Variants in RFFL observed in about 807,000 individuals in gnomAD.
RFFL encodes ring finger and FYVE like domain containing E3 ubiquitin protein ligase.
In RFFL, 16 loss-of-function variants were observed where a neutral mutation model predicts 40.4. The ratio of observed to expected loss-of-function variants is 0.40; its 90% CI spans 0.27 to 0.60. The LOEUF (loss-of-function observed/expected upper bound fraction) is 0.60. Among genes scored for constraint, RFFL ranks in the 20% least tolerant of loss-of-function variants. The pLI, the probability that RFFL is intolerant of heterozygous loss-of-function variation, is 0.47. For synonymous variants in RFFL, 154 were observed against 167.9 expected (o/e 0.92, Z 0.64); for missense variants, 367 against 451.7 (o/e 0.81, Z 1.70).
At chr17:35,084,497 G>A (rs1427914207) in intron 1 of RFFL, among the ~76,000 whole-genome samples, 2 of 152,156 alleles carry the variant, frequency 1.3e-5, no homozygotes, top group African/African-American at 2.4e-5. Flanking sequence ...GGGTGGCTGA[G>A]GCAGGCACAT....
At chr17:35,076,976 G>A (rs1385632088) in intron 1 of RFFL, 4 of 307,016 alleles carry the variant, frequency 1.3e-5, no homozygotes, top group Non-Finnish European at 2.7e-5. Context: ...AAACCCAAGA[G>A]GGCAGCTGCT....
chr17:35,076,900 C>A, intron 1 of RFFL: 1 of 263,794 alleles, frequency 3.8e-6, no homozygotes, highest in South Asian at 4.6e-5. Context: ...TGGAACTGGT[C>A]AAATGAGGCA....
intron 1 of RFFL, among the ~76,000 whole-genome samples, chr17:35,059,938 G>A (rs531336787): frequency 2.6e-5 from 4 of 152,116 alleles, no homozygotes; most frequent in Non-Finnish European, 4.4e-5. Flanking sequence ...ATATCTAACA[G>A]AGATTATTTC....
At chr17:35,072,037 T>A (rs2091353313) in intron 1 of RFFL, among the ~76,000 whole-genome samples, 1 of 151,900 alleles carries the variant, frequency 6.6e-6, no homozygotes, top group Non-Finnish European at 1.5e-5. Context: ...TACCAGCATT[T>A]TGGGAGGCTG....
chr17:35,027,058 C>T (rs2091045860), intron 1 of RFFL, among the ~76,000 whole-genome samples: 3 of 152,176 alleles, frequency 2.0e-5, no homozygotes, highest in African/African-American at 7.2e-5. Flanking sequence ...TCAAAGAAAT[C>T]AAATATATAG....
chr17:35,023,115 C>T (rs191411829), intron 2 of RFFL, among the ~76,000 whole-genome samples: 1 of 152,326 alleles, frequency 6.6e-6, no homozygotes, highest in African/African-American at 2.4e-5. Flanking sequence ...AGGGCACCCT[C>T]ATTAATCCTT....
chr17:35,021,911 T>A, intron 2 of RFFL, 130 bp from the exon 3 acceptor site: 1 of 880,120 alleles, frequency 1.1e-6, no homozygotes, highest in Non-Finnish European at 1.8e-6. Flanking sequence ...CTAAGCTCTC[T>A]CATATATCTA....
intron 1 of RFFL, among the ~76,000 whole-genome samples, chr17:35,046,163 C>T (rs899167410): frequency 6.6e-6 from 1 of 151,904 alleles, no homozygotes; most frequent in Non-Finnish European, 1.5e-5. Flanking sequence ...GCTAAGATTA[C>T]TTGAAAAACA....
At chr17:35,020,697 G>C (rs1352156140) in intron 3 of RFFL, among the ~76,000 whole-genome samples, 1 of 152,022 alleles carries the variant, frequency 6.6e-6, no homozygotes, top group Non-Finnish European at 1.5e-5. Flanking sequence ...TGGTCTACCT[G>C]TCTACCTTCC....
intron 1 of RFFL, among the ~76,000 whole-genome samples, chr17:35,050,520 C>T (rs986128076): frequency 9.2e-5 from 14 of 152,112 alleles, no homozygotes; most frequent in Non-Finnish European, 1.8e-4. Flanking sequence ...TGCCACCATA[C>T]TCAGCTATTT....
rs2090895212 is a variant in RFFL at position 35,006,353 on chromosome 17, C to T, written c.*5615G>A. On this transcript the variant is annotated 3_prime_UTR_variant, in exon 7 of 7. Transcript: ENST00000394597. ...TGTCACTAGTGACTACCACACTGGA[C>T]AGTGCAGGTGTAGACGGAGTTCAGA... The T allele has an allele frequency of 6.5e-6, 1 of 154,008 alleles. No homozygotes were observed. The highest frequency in any genetic ancestry group is 1.4e-5 in the Non-Finnish European group (1 of 69,408). 9.5% of individuals were successfully genotyped at this position (154,008 alleles called of 1,614,324 possible).
At chr17:35,028,574 G>C (rs969277577) in intron 1 of RFFL, among the ~76,000 whole-genome samples, 2 of 152,044 alleles carry the variant, frequency 1.3e-5, no homozygotes, top group Non-Finnish European at 2.9e-5. Context: ...TAGATACTTT[G>C]AGCCTGAACT....
intron 1 of RFFL, among the ~76,000 whole-genome samples, chr17:35,085,534 A>G (rs1365200908): frequency 6.6e-6 from 1 of 152,128 alleles, no homozygotes; most frequent in Non-Finnish European, 1.5e-5. Context: ...GGTTCAAGTG[A>G]TTCTCCTGCC....
chr17:35,040,279 C>T lies in RFFL; in HGVS notation c.-8-13718G>A, dbSNP rs1442450435. 2.0e-5 allele frequency among the ~76,000 whole-genome samples: 3 copies of T among 152,222 alleles called. No homozygotes were observed. In the East Asian group the frequency reaches 5.8e-4, roughly 29 times the overall value. ...GAGTGTCCAGGCTGTCTTAGGCCTC[C>T]CTCTCCAACCACACCTCAGGTTGCT... On this transcript the variant is annotated intron_variant, in intron 1 of 6. Transcript: ENST00000394597.
At position 35,055,692 on chromosome 17, in the gene RFFL, ACAAAC is replaced by A. The variant is rs1567712242; in HGVS notation, c.-9+7879_-9+7883del. Among the ~76,000 whole-genome samples, 102 of 148,278 alleles carry A rather than the reference ACAAAC, an allele frequency of 6.9e-4. 2 individuals are homozygous for A. The highest frequency in any genetic ancestry group is 2.5e-3 in the African/African-American group (95 of 38,270). ...ATCTCAAAAAAAAACAAACAAACAA[ACAAAC>A]AAAAAAAAAACATTAATCAGGCTGG... is the stretch of plus-strand genomic sequence containing the variant. On this transcript the variant is annotated intron_variant, in intron 1 of 6. Transcript: ENST00000394597.
intron 1 of RFFL, among the ~76,000 whole-genome samples, chr17:35,080,647 C>T (rs920099855): frequency 6.6e-6 from 1 of 151,996 alleles, no homozygotes; most frequent in African/African-American, 2.4e-5. Context: ...TGCATTTAAC[C>T]ACTCAGAAGC....
At chr17:35,044,314 A>G (rs2091184177) in intron 1 of RFFL, among the ~76,000 whole-genome samples, 1 of 152,208 alleles carries the variant, frequency 6.6e-6, no homozygotes, top group African/African-American at 2.4e-5. Context: ...CCTAGCCTCA[A>G]GCAATCCTAC....
intron 1 of RFFL, among the ~76,000 whole-genome samples, chr17:35,076,237 G>T (rs2091375749): frequency 6.6e-6 from 1 of 151,220 alleles, no homozygotes. Context: ...CAAGTGATCC[G>T]CCCGCCTCAG....
chr17:35,035,474 C>T (rs1416395290), intron 1 of RFFL, among the ~76,000 whole-genome samples: 1 of 151,376 alleles, frequency 6.6e-6, no homozygotes, highest in African/African-American at 2.4e-5. Flanking sequence ...AGAATGAAGT[C>T]TTATGCTAGG....
Sources: gnomAD v4.1 joint callset for allele counts (sites outside exome capture counted in the v4.1 genomes callset) on GRCh38, gnomAD v4.1.1 for gene constraint, MANE v1.5 for transcripts, NCBI Gene and HGNC (gene_info 2026-07-23, HGNC 2026-07-21) for gene names.